ZNF214: variants seen among roughly 807,000 people sequenced by gnomAD.
ZNF214 encodes zinc finger protein 214.
In ZNF214, 43 loss-of-function variants were observed where a neutral mutation model predicts 53.9. The observed-to-expected ratio is 0.80, with a 90% CI of 0.63 to 1.03. The LOEUF (loss-of-function observed/expected upper bound fraction) is 1.03. ZNF214 is among the 50% of genes least tolerant of loss of function. The pLI, the probability that ZNF214 is intolerant of heterozygous loss-of-function variation, is 0.00. For synonymous variants in ZNF214, 217 were observed against 229.5 expected (o/e 0.95, Z 0.49); for missense variants, 724 against 719.1 (o/e 1.01, Z -0.08).
chr11:7,008,151 G>T (rs897763943), intron 1 of ZNF214, among the ~76,000 whole-genome samples: 1 of 152,174 alleles, frequency 6.6e-6, no homozygotes, highest in Non-Finnish European at 1.5e-5. Flanking sequence ...GGCTAGAGCA[G>T]CTGGGCAAAG....
At position 6,998,357 on chromosome 11, in the gene ZNF214, T is replaced by G. The variant is rs1358107284; in HGVS notation, c.*1505A>C. 6.6e-6 allele frequency among the ~76,000 whole-genome samples: 1 copy of G among 151,948 alleles called. No homozygotes were observed. Among genetic ancestry groups the G allele is most frequent in the Non-Finnish European group, 1.5e-5 (1 of 67,902 alleles). On this transcript the variant is annotated 3_prime_UTR_variant, in exon 3 of 3. Transcript: ENST00000278314. The stretch of plus-strand genomic sequence containing the variant: ...TTAACTCAGAGAAAGTTTCTTAATG[T>G]CTTTGATCATTGATTCTATGCCAAA...
intron 1 of ZNF214, among the ~76,000 whole-genome samples, chr11:7,008,848 G>T (rs1851536797): frequency 6.6e-6 from 1 of 152,012 alleles, no homozygotes; most frequent in South Asian, 2.1e-4. Flanking sequence ...GCCACAAAAA[G>T]AATAAAATAT....
At position 6,997,921 on chromosome 11, in the gene ZNF214, A is replaced by G. The variant is rs1392227854; in HGVS notation, c.*1941T>C. Among the ~76,000 whole-genome samples the G allele has an allele frequency of 1.3e-5, 2 of 151,904 alleles. No individual in the cohort carries two copies. The highest frequency in any genetic ancestry group is 2.9e-5 in the Non-Finnish European group (2 of 67,870). ...CTCAGCATTTGTATATTTTTATTGC[A>G]CATTTAATTTTTTGAAGTTTTGGAA... On this transcript the variant is annotated 3_prime_UTR_variant, in exon 3 of 3. Transcript: ENST00000278314.
At chr11:7,011,483 T>A (rs1472581178) in intron 1 of ZNF214, among the ~76,000 whole-genome samples, 1 of 152,048 alleles carries the variant, frequency 6.6e-6, no homozygotes, top group Admixed American at 6.5e-5. Flanking sequence ...TCAACACCGA[T>A]GTATTCTCTT....
At chr11:7,017,828 G>A (rs377166966) in intron 1 of ZNF214, among the ~76,000 whole-genome samples, 8 of 151,728 alleles carry the variant, frequency 5.3e-5, no homozygotes, top group African/African-American at 1.9e-4. Context: ...ACCAAAACAT[G>A]CTTGGAAAAA....
intron 1 of ZNF214, among the ~76,000 whole-genome samples, chr11:7,005,817 G>C (rs916992069): frequency 6.6e-6 from 1 of 151,930 alleles, no homozygotes; most frequent in Non-Finnish European, 1.5e-5. Context: ...TACATACCTT[G>C]TGCATACATA....
Position 6,998,965 on chromosome 11 carries a change from C to A in ZNF214, c.*897G>T, listed in dbSNP as rs1006104158. Reference sequence around the variant, plus strand: ...TTACATAATTAGCTTCAGGGTTCATCGTTGCACAGAGTTCTGAGTTCAATG... The same window carrying A: ...TTACATAATTAGCTTCAGGGTTCATAGTTGCACAGAGTTCTGAGTTCAATG... On this transcript the variant is annotated 3_prime_UTR_variant, in exon 3 of 3. Coordinates refer to ENST00000278314, the MANE Select transcript of ZNF214 (RefSeq NM_013249.4). Among the ~76,000 whole-genome samples the A allele has an allele frequency of 7.2e-5, 11 of 151,938 alleles. No individual in the cohort carries two copies. Among genetic ancestry groups the A allele is most frequent in the African/African-American group, 2.2e-4 (9 of 41,388 alleles).
rs1412851219 is a variant in ZNF214 at position 6,998,889 on chromosome 11, G to A, written c.*973C>T. 2.0e-5 allele frequency among the ~76,000 whole-genome samples: 3 copies of A among 151,846 alleles called. No homozygotes were observed. Among genetic ancestry groups the A allele is most frequent in the African/African-American group, 7.3e-5 (3 of 41,336 alleles). On this transcript the variant is annotated 3_prime_UTR_variant, in exon 3 of 3. Transcript: ENST00000278314. ...AGCATATTTGTGTATCAATAATTAAGACTGTGTATTCCGACTAACTCTATT... is the reference window on the plus strand; with the variant it reads ...AGCATATTTGTGTATCAATAATTAAAACTGTGTATTCCGACTAACTCTATT...
rs547837358 is a variant in ZNF214 at position 6,997,569 on chromosome 11, T to C, written c.*2293A>G. On this transcript the variant is annotated 3_prime_UTR_variant, in exon 3 of 3. Transcript: ENST00000278314. Reference sequence around the variant, plus strand: ...TGCACTTTTTTTAGTTTTATTAAGTTGTAATTTTAGGTTTGTAAAAAAAAA... The same window carrying C: ...TGCACTTTTTTTAGTTTTATTAAGTCGTAATTTTAGGTTTGTAAAAAAAAA... Among the ~76,000 whole-genome samples, 2 of 149,850 alleles carry C rather than the reference T, an allele frequency of 1.3e-5. No homozygotes were observed. The highest frequency in any genetic ancestry group is 3.9e-4 in the East Asian group (2 of 5,126).
At chr11:7,018,804 G>T (rs1482129749) in intron 1 of ZNF214, among the ~76,000 whole-genome samples, 2 of 152,070 alleles carry the variant, frequency 1.3e-5, no homozygotes, top group African/African-American at 4.8e-5. Flanking sequence ...GCCTGGCGAT[G>T]ACATTCTTAT....
At position 7,007,253 on chromosome 11, in the gene ZNF214, CAAAAT is replaced by C. The variant is rs1268122152; in HGVS notation, c.-20-4403_-20-4399del. Among the ~76,000 whole-genome samples the C allele has an allele frequency of 3.3e-5, 5 of 150,700 alleles. No homozygotes were observed. In the East Asian group the frequency reaches 9.7e-4, roughly 29 times the overall value. ...GAAACAAAATGAAATCTATGAAAAACAAAATAAAAACAGAAGACAACTTGCTCCAC... is the reference window on the plus strand; with the variant it reads ...GAAACAAAATGAAATCTATGAAAAACAAAAACAGAAGACAACTTGCTCCAC... On this transcript the variant is annotated intron_variant, in intron 1 of 2. Coordinates refer to ENST00000278314, the MANE Select transcript of ZNF214 (RefSeq NM_013249.4).
At chr11:7,013,814 A>C (rs1851676582) in intron 1 of ZNF214, among the ~76,000 whole-genome samples, 1 of 152,252 alleles carries the variant, frequency 6.6e-6, no homozygotes, top group African/African-American at 2.4e-5. Flanking sequence ...ATATCATGGT[A>C]AAGTGGTAGT....
At chr11:7,003,235 T>C (rs115722766) in intron 1 of ZNF214, among the ~76,000 whole-genome samples, 1,543 of 152,122 alleles carry the variant, frequency 0.01, 21 homozygotes, top group African/African-American at 0.033. Context: ...CATAAATTGG[T>C]TATGTGACAA....
intron 1 of ZNF214, among the ~76,000 whole-genome samples, chr11:7,018,087 A>C (rs1397157380): frequency 6.6e-6 from 1 of 152,220 alleles, no homozygotes; most frequent in Non-Finnish European, 1.5e-5. Flanking sequence ...ATGTATACAT[A>C]CATATCAGTA....
chr11:6,998,717 T>C lies in ZNF214; in HGVS notation c.*1145A>G, dbSNP rs1376497970. On this transcript the variant is annotated 3_prime_UTR_variant, in exon 3 of 3. Coordinates refer to ENST00000278314, the MANE Select transcript of ZNF214 (RefSeq NM_013249.4). ...GTTATGCCACTAAGGACACCAACAT[T>C]TCTGGAAATTTCCTCTGAAGCCTGC... Among the ~76,000 whole-genome samples, 1 of 151,934 alleles carries C rather than the reference T, an allele frequency of 6.6e-6. No individual in the cohort carries two copies. Among genetic ancestry groups the C allele is most frequent in the Non-Finnish European group, 1.5e-5 (1 of 67,908 alleles).
rs145324383 is a variant in ZNF214 at position 7,015,460 on chromosome 11, C to A, written c.-21+4613G>T. ...AGATGTGGGGCTCACCCGTGTAATC[C>A]CAGCTACTTGGGAGGCTGAGGCATG... On this transcript the variant is annotated intron_variant, in intron 1 of 2. Transcript: ENST00000278314. Among the ~76,000 whole-genome samples, 623 of 151,990 alleles carry A rather than the reference C, an allele frequency of 4.1e-3. 7 individuals are homozygous for A. Among genetic ancestry groups the A allele is most frequent in the African/African-American group, 0.014 (578 of 41,484 alleles).
Position 6,999,696 on chromosome 11 carries a change from T to C in ZNF214, c.*166A>G. ...AATTTTAAATATATAGGGTTTTTTC[T>C]AAAGATCTCCTTTTGAAGCAAATAA... is the stretch of plus-strand genomic sequence containing the variant. On this transcript the variant is annotated 3_prime_UTR_variant, in exon 3 of 3. Transcript: ENST00000278314. 1.5e-6 allele frequency: 1 copy of C among 686,966 alleles called. No individual in the cohort carries two copies. Among genetic ancestry groups the C allele is most frequent in the Admixed American group, 3.4e-5 (1 of 29,832 alleles). The allele number at this position is 686,966 out of a possible 1,614,324, so 42.6% of individuals were successfully genotyped here. A position where few individuals can be genotyped will look rare whatever the true frequency, so the allele number is the denominator to read the frequency against.
rs1366969527 is a variant in ZNF214, at chr11:6,999,622, A to C, written c.*240T>G. ...AGAGTTTTCTCCTTAAATGTTTAATATATTTATGACTGTATTATATTTATA... is the reference window on the plus strand; with the variant it reads ...AGAGTTTTCTCCTTAAATGTTTAATCTATTTATGACTGTATTATATTTATA... On this transcript the variant is annotated 3_prime_UTR_variant, in exon 3 of 3. Coordinates refer to ENST00000278314, the MANE Select transcript of ZNF214 (RefSeq NM_013249.4). 11 of 309,092 alleles carry C rather than the reference A, an allele frequency of 3.6e-5. No individual in the cohort carries two copies. In the Admixed American group the frequency reaches 4.8e-4, roughly 14 times the overall value. The allele number at this position is 309,092 out of a possible 1,614,324, so 19.1% of individuals were successfully genotyped here.
Position 7,001,328 on chromosome 11 carries a change from A to G in ZNF214, c.355T>C (p.Tyr119His), listed in dbSNP as rs1168247029. The G allele has an allele frequency of 1.2e-6, 2 of 1,613,210 alleles. No individual in the cohort carries two copies. Among genetic ancestry groups the G allele is most frequent in the Admixed American group, 1.7e-5 (1 of 59,946 alleles). The change falls in exon 3 of 3, where the codon TAT (tyrosine) becomes CAT (histidine). Residue 119 changes from tyrosine to histidine, a missense_variant. Physicochemically the swap from Tyr to His is moderately conservative, Grantham distance 83. Coordinates refer to ENST00000278314, the MANE Select transcript of ZNF214 (RefSeq NM_013249.4). ...LSTQVPGYGNYELTFESKSLR... is the reference protein window; with the variant it reads ...LSTQVPGYGNHELTFESKSLR... The stretch of plus-strand genomic sequence containing the variant: ...CTTTTGCTTTCAAAAGTCAGTTCAT[A>G]GTTCCCATACCCTGGTACTTGTGTG...
Sources: allele counts gnomAD v4.1 joint callset (sites outside exome capture counted in the v4.1 genomes callset), GRCh38; gene constraint gnomAD v4.1.1; transcripts MANE v1.5; gene names NCBI Gene and HGNC (gene_info 2026-07-23, HGNC 2026-07-21).